The following HTR1E variants were observed in gnomAD, a reference collection of about 807,000 sequenced individuals.
HTR1E encodes the protein 5-hydroxytryptamine receptor 1E, also known as 5-HT-1E.
In HTR1E, 3 loss-of-function variants were observed where a neutral mutation model predicts 3.4. The observed-to-expected ratio is 0.89, with a 90% CI of 0.41 to 2.31. The LOEUF is 2.31. Among genes scored for constraint, HTR1E ranks in the 30% most tolerant of loss-of-function variants. The pLI is 0.05. For missense variants in HTR1E, 392 were observed against 467.0 expected, an observed-to-expected ratio of 0.84 and a Z score of 1.48; for synonymous variants, 170 against 182.8, an observed-to-expected ratio of 0.93 and a Z score of 0.56.
intron 1 of HTR1E, among the ~76,000 whole-genome samples, chr6:86,959,633 C>A (rs1192171346): frequency 1.3e-5 from 2 of 152,140 alleles, no homozygotes; most frequent in Non-Finnish European, 1.5e-5. Flanking sequence ...GGCAGGATGA[C>A]GGAACCTCAG....
chr6:86,951,539 A>G (rs1037874050), intron 1 of HTR1E, among the ~76,000 whole-genome samples: 1 of 152,210 alleles, frequency 6.6e-6, no homozygotes, highest in African/African-American at 2.4e-5. Flanking sequence ...ATTGATTTAT[A>G]AACTCCAAGA....
At chr6:86,956,933 A>G (rs1334330665) in intron 1 of HTR1E, among the ~76,000 whole-genome samples, 1 of 152,242 alleles carries the variant, frequency 6.6e-6, no homozygotes, top group Non-Finnish European at 1.5e-5. Context: ...CTATTTGGCC[A>G]TGCTAGAAGA....
intron 1 of HTR1E, among the ~76,000 whole-genome samples, chr6:86,955,740 G>GTA (rs1260791248): frequency 1.3e-5 from 2 of 152,006 alleles, no homozygotes; most frequent in Middle Eastern, 3.2e-3. Context: ...GAGTGTGTGT[G>GTA]TGTGTATGTA....
chr6:86,945,018 A>G (rs993962649), intron 1 of HTR1E, among the ~76,000 whole-genome samples: 1 of 151,214 alleles, frequency 6.6e-6, no homozygotes, highest in African/African-American at 2.4e-5. Flanking sequence ...TTCCTACTTA[A>G]TTAAAAAAAA....
At chr6:87,009,351 CAT>C (rs1768166261) in intron 1 of HTR1E, among the ~76,000 whole-genome samples, 1 of 151,674 alleles carries the variant, frequency 6.6e-6, no homozygotes, top group African/African-American at 2.4e-5. Context: ...GGACACAGCA[CAT>C]GTTTCAGAGA....
intron 1 of HTR1E, among the ~76,000 whole-genome samples, chr6:87,010,208 C>T (rs1244490097): frequency 3.7e-5 from 4 of 107,460 alleles, no homozygotes; most frequent in Non-Finnish European, 7.3e-5. Flanking sequence ...ACCTCCCTCC[C>T]GGATGGGGTG....
chr6:86,978,359 G>A (rs773805924), intron 1 of HTR1E, among the ~76,000 whole-genome samples: 8 of 152,060 alleles, frequency 5.3e-5, no homozygotes, highest in East Asian at 1.9e-4. Flanking sequence ...GGCCTGCATC[G>A]GTCCAATCAT....
chr6:86,971,546 G>T (rs1767556794), intron 1 of HTR1E, among the ~76,000 whole-genome samples: 1 of 151,038 alleles, frequency 6.6e-6, no homozygotes, highest in South Asian at 2.1e-4. Context: ...AGACCTTGTT[G>T]TATGATGAGT....
chr6:87,009,451 A>G (rs563405578), intron 1 of HTR1E, among the ~76,000 whole-genome samples: 2,617 of 152,004 alleles, frequency 0.017, 75 homozygotes, highest in African/African-American at 0.058. Flanking sequence ...AAAGTCTCCC[A>G]TGTCTACTTC....
chr6:87,012,629 G>A (rs1768254564), intron 1 of HTR1E, among the ~76,000 whole-genome samples: 1 of 152,222 alleles, frequency 6.6e-6, no homozygotes, highest in Non-Finnish European at 1.5e-5. Flanking sequence ...ATCAGAGTTT[G>A]TGGGATGAAA....
chr6:87,012,525 C>T (rs1454360926), intron 1 of HTR1E, among the ~76,000 whole-genome samples: 5 of 151,964 alleles, frequency 3.3e-5, no homozygotes, highest in African/African-American at 1.2e-4. Context: ...AACAAATCTG[C>T]ACTTGTACCC....
At chr6:86,988,503 G>A (rs546421151) in intron 1 of HTR1E, among the ~76,000 whole-genome samples, 1 of 152,294 alleles carries the variant, frequency 6.6e-6, no homozygotes, top group South Asian at 2.1e-4. Flanking sequence ...GATGGATGCA[G>A]AGGGCCGGAT....
At chr6:86,975,623 G>A (rs1767624528) in intron 1 of HTR1E, among the ~76,000 whole-genome samples, 1 of 151,960 alleles carries the variant, frequency 6.6e-6, no homozygotes, top group Non-Finnish European at 1.5e-5. Flanking sequence ...CTACCAGGAT[G>A]CCCGTACATG....
chr6:87,008,597 GCAGC>G (rs1325374869), intron 1 of HTR1E, among the ~76,000 whole-genome samples: 1 of 152,172 alleles, frequency 6.6e-6, no homozygotes, highest in East Asian at 1.9e-4. Context: ...ATGTCCAAAA[GCAGC>G]CATTCTCTGT....
chr6:86,998,719 T>C (rs2127829613), intron 1 of HTR1E, among the ~76,000 whole-genome samples: 1 of 152,020 alleles, frequency 6.6e-6, no homozygotes, highest in East Asian at 1.9e-4. Flanking sequence ...ATAATAAATA[T>C]AAAGACTGAA....
At chr6:86,971,060 A>G (rs943221007) in intron 1 of HTR1E, 9 of 511,000 alleles carry the variant, frequency 1.8e-5, no homozygotes, top group African/African-American at 1.7e-4. Flanking sequence ...AAAGAAGCAA[A>G]TAACTTCCTG....
At chr6:86,999,994 T>C (rs921096113) in intron 1 of HTR1E, 3 of 156,228 alleles carry the variant, frequency 1.9e-5, no homozygotes, top group African/African-American at 7.2e-5. Context: ...TGGCCTAACT[T>C]GCTTCTTCAG....
intron 1 of HTR1E, among the ~76,000 whole-genome samples, chr6:86,963,510 A>G (rs1767436109): frequency 6.6e-6 from 1 of 152,244 alleles, no homozygotes; most frequent in African/African-American, 2.4e-5. Context: ...ACAGTAGTGT[A>G]CAGTAATGTT....
intron 1 of HTR1E, chr6:87,000,319 A>G (rs1768002100): frequency 6.6e-6 from 1 of 152,236 alleles, no homozygotes; most frequent in African/African-American, 2.4e-5. Flanking sequence ...GCTAGAAGAT[A>G]AAACAATTGT....
Sources: allele counts gnomAD v4.1 joint callset (sites outside exome capture counted in the v4.1 genomes callset), GRCh38; gene constraint gnomAD v4.1.1; transcripts MANE v1.5; gene names NCBI Gene and HGNC (gene_info 2026-07-23, HGNC 2026-07-21).